EYA2: variants seen among roughly 807,000 people sequenced by gnomAD.
EYA2 encodes the protein protein phosphatase EYA2.
In EYA2, 31 loss-of-function variants were observed where a neutral mutation model predicts 69.2. That is an observed-to-expected ratio of 0.45 (90% confidence interval 0.34 to 0.60). The LOEUF is 0.60. EYA2 is among the 20% of genes least tolerant of loss of function. The pLI is 0.02. For synonymous variants in EYA2, 257 were observed against 279.4 expected, an observed-to-expected ratio of 0.92 and a Z score of 0.80; for missense variants, 622 against 701.2, an observed-to-expected ratio of 0.89 and a Z score of 1.28.
intron 5 of EYA2, among the ~76,000 whole-genome samples, chr20:47,055,969 G>A (rs1470872309): frequency 2.0e-5 from 3 of 151,984 alleles, no homozygotes; most frequent in Admixed American, 6.6e-5. Context: ...TGCTGCCCCC[G>A]CCACCCCTGC....
rs550723272 is a variant in EYA2, at chr20:47,120,528, G to A, written c.889-22531G>A. On this transcript the variant is annotated intron_variant, in intron 9 of 15. Transcript: ENST00000327619. ...CTGCCATAGCCCGTGTGCCCAATGC[G>A]GTGGGGAAGTCGCTTCTTGCCATGG... Among the ~76,000 whole-genome samples the A allele has an allele frequency of 1.3e-4, 20 of 152,312 alleles. No homozygotes were observed. In the East Asian group the frequency reaches 3.9e-3, roughly 29 times the overall value.
Position 47,167,458 on chromosome 20 carries a change from AT to A in EYA2, c.979-1676del, listed in dbSNP as rs2034224841. ...CCACCATGCCCAGCTAATTTTTTGT[AT>A]TTTTAGTAGAGGTGGGGTTTCTCCA... On this transcript the variant is annotated intron_variant, in intron 10 of 15. Coordinates refer to ENST00000327619, the MANE Select transcript of EYA2 (RefSeq NM_005244.5). 9.3e-5 allele frequency among the ~76,000 whole-genome samples: 14 copies of A among 151,176 alleles called. No individual in the cohort carries two copies. In the South Asian group the frequency reaches 2.9e-3, roughly 32 times the overall value.
intron 10 of EYA2, among the ~76,000 whole-genome samples, chr20:47,144,246 C>T (rs917531511): frequency 3.0e-4 from 45 of 151,664 alleles, no homozygotes; most frequent in African/African-American, 9.2e-4. Flanking sequence ...GTCCCAGCTA[C>T]GCAGGAGGCT....
chr20:46,913,599 G>A (rs1035248759), intron 1 of EYA2, among the ~76,000 whole-genome samples: 8 of 152,096 alleles, frequency 5.3e-5, no homozygotes, highest in African/African-American at 1.2e-4. Flanking sequence ...GGGAGGTGAC[G>A]GTGACTTGGA....
chr20:46,976,968 G>A (rs529840253), intron 1 of EYA2, among the ~76,000 whole-genome samples: 1 of 152,302 alleles, frequency 6.6e-6, no homozygotes, highest in African/African-American at 2.4e-5. Flanking sequence ...CAGGTGAACT[G>A]TGGAATAGAC....
chr20:47,001,861 C>T (rs888513728), intron 3 of EYA2, among the ~76,000 whole-genome samples: 2 of 150,642 alleles, frequency 1.3e-5, no homozygotes, highest in Non-Finnish European at 2.9e-5. Context: ...TTAATTTTTC[C>T]CTCCCTTTTT....
intron 5 of EYA2, among the ~76,000 whole-genome samples, chr20:47,057,510 A>ACCCCCCCCCCCCCCCCC (rs796462817): frequency 2.1e-5 from 2 of 94,768 alleles, no homozygotes; most frequent in Non-Finnish European, 2.4e-5. Flanking sequence ...TTTTTATATC[A>ACCCCCCCCCCCCCCCCC]CCCCCCCCCC....
At position 47,150,757 on chromosome 20, in the gene EYA2, T is replaced by TATTCCAGGCAC. The variant is rs552128764; in HGVS notation, c.978+7620_978+7630dup. Among the ~76,000 whole-genome samples the TATTCCAGGCAC allele has an allele frequency of 5.8e-4, 88 of 152,096 alleles. 1 individual carries two copies. In the South Asian group the frequency reaches 0.019, roughly 32 times the overall value. On this transcript the variant is annotated intron_variant, in intron 10 of 15. Coordinates refer to ENST00000327619, the MANE Select transcript of EYA2 (RefSeq NM_005244.5). ...GCTGGGATTACAGGCATGAGCCACC[T>TATTCCAGGCAC]ATTCCAGGCACATTCCAGGCAGCAG...
intron 9 of EYA2, among the ~76,000 whole-genome samples, chr20:47,131,353 C>T (rs1423134466): frequency 6.6e-6 from 1 of 152,220 alleles, no homozygotes; most frequent in Non-Finnish European, 1.5e-5. Flanking sequence ...TTCCAAACCA[C>T]TGTCTAGGCG....
At chr20:47,100,361 G>T (rs568857472) in intron 9 of EYA2, among the ~76,000 whole-genome samples, 2 of 152,290 alleles carry the variant, frequency 1.3e-5, no homozygotes, top group Admixed American at 6.5e-5. Flanking sequence ...AGGAGCAGAG[G>T]AGGACTGCCC....
At chr20:47,187,818 G>A (rs570570356) in intron 15 of EYA2, among the ~76,000 whole-genome samples, 5 of 152,226 alleles carry the variant, frequency 3.3e-5, no homozygotes, top group African/African-American at 9.6e-5. Flanking sequence ...CAGCGAACAC[G>A]CTGGGCAGTG....
chr20:47,132,899 G>A lies in EYA2; in HGVS notation c.889-10160G>A, dbSNP rs573355187. On this transcript the variant is annotated intron_variant, in intron 9 of 15. Coordinates refer to ENST00000327619, the MANE Select transcript of EYA2 (RefSeq NM_005244.5). ...CAGAAGAGAAGACAGTCTTTCCAAA[G>A]TGCTTCCTGGCAAAGCTCGACCATT... Among the ~76,000 whole-genome samples, 64 of 152,322 alleles carry A rather than the reference G, an allele frequency of 4.2e-4. 1 individual carries two copies. The highest frequency in any genetic ancestry group is 1.4e-3 in the African/African-American group (60 of 41,574).
chr20:47,168,793 C>CTTG (rs1161358006), intron 10 of EYA2, among the ~76,000 whole-genome samples: 2 of 152,190 alleles, frequency 1.3e-5, no homozygotes, highest in African/African-American at 4.8e-5. Flanking sequence ...TCTGGCCATA[C>CTTG]TTGGGAAGCT....
intron 13 of EYA2, among the ~76,000 whole-genome samples, chr20:47,180,593 TAAGAA>T (rs2034519536): frequency 6.6e-6 from 1 of 152,180 alleles, no homozygotes; most frequent in Non-Finnish European, 1.5e-5. Flanking sequence ...GCTTTTTATA[TAAGAA>T]AAGTATTCCC....
At chr20:47,165,535 C>T (rs116786834) in intron 10 of EYA2, among the ~76,000 whole-genome samples, 118 of 152,182 alleles carry the variant, frequency 7.8e-4, no homozygotes, top group African/African-American at 2.5e-3. Context: ...TCCCTGCTGC[C>T]GTTGGTCTCC....
At chr20:47,030,770 T>A (rs1303918288) in intron 5 of EYA2, among the ~76,000 whole-genome samples, 1 of 152,174 alleles carries the variant, frequency 6.6e-6, no homozygotes, top group East Asian at 1.9e-4. Flanking sequence ...TGTCTCCTTT[T>A]TTTGAAAGAC....
intron 10 of EYA2, among the ~76,000 whole-genome samples, chr20:47,150,313 C>G (rs1336578513): frequency 1.3e-5 from 2 of 152,232 alleles, no homozygotes; most frequent in African/African-American, 4.8e-5. Flanking sequence ...CACTGTCCCC[C>G]TGCTGTCTAT....
intron 7 of EYA2, among the ~76,000 whole-genome samples, chr20:47,076,150 T>C (rs911131852): frequency 6.6e-6 from 1 of 152,270 alleles, no homozygotes; most frequent in Non-Finnish European, 1.5e-5. Flanking sequence ...TGAATAGTGC[T>C]GCAATGAACA....
Position 47,072,218 on chromosome 20 carries a change from T to G in EYA2, c.449T>G (p.Leu150Arg), listed in dbSNP as rs1214313526. The G allele has an allele frequency of 2.5e-6, 4 of 1,613,238 alleles. No homozygotes were observed. Among genetic ancestry groups the G allele is most frequent in the Non-Finnish European group, 3.4e-6 (4 of 1,179,622 alleles). The change falls in exon 6 of 16, where the codon CTG (leucine) becomes CGG (arginine). Residue 150 changes from leucine (L) to arginine (R), a missense_variant. By Grantham distance (102) the Leu-to-Arg change is moderately radical. Around this residue, in one of 2 missense-constraint regions of EYA2, gnomAD observed 365 missense variants for 349.7 expected, o/e 1.04. Transcript: ENST00000327619. The stretch of plus-strand genomic sequence containing the variant: ...GGGTTCTATCAAGGAGGAAATGGAC[T>G]GGGCAACGCAGCCGGTTTCGGGAGT... ...TTGFYQGGNG[L>R]GNAAGFGSVH...
Sources: gnomAD v4.1 joint callset for allele counts (sites outside exome capture counted in the v4.1 genomes callset) on GRCh38, gnomAD v4.1.1 for gene constraint, gnomAD v4.1.1 regional missense constraint, MANE v1.5 for transcripts, NCBI Gene and HGNC (gene_info 2026-07-23, HGNC 2026-07-21) for gene names.